Variants in ADGRL2 observed in about 807,000 individuals in gnomAD.
ADGRL2 encodes the protein calcium-independent alpha-latrotoxin receptor 2.
In ADGRL2, 44 loss-of-function variants were observed where a neutral mutation model predicts 157.4. The ratio of observed to expected loss-of-function variants is 0.28; its 90% confidence interval spans 0.22 to 0.36. ADGRL2 has a LOEUF of 0.36. Among genes scored for constraint, ADGRL2 ranks in the 10% least tolerant of loss-of-function variants. ADGRL2 has a pLI of 1.00. For synonymous variants in ADGRL2, 585 were observed against 624.7 expected (o/e 0.94, Z 0.95); for missense variants, 1,510 against 1,768.9 (o/e 0.85, Z 2.63).
At chr1:81,509,462 A>G (rs1287467330) in intron 2 of ADGRL2, among the ~76,000 whole-genome samples, 1 of 151,928 alleles carries the variant, frequency 6.6e-6, no homozygotes, top group African/African-American at 2.4e-5. Flanking sequence ...ATTCAAATCC[A>G]CATTTTGTAA....
At chr1:81,946,340 C>CTTTT (rs397861989) in intron 6 of ADGRL2, among the ~76,000 whole-genome samples, 3 of 128,612 alleles carry the variant, frequency 2.3e-5, no homozygotes, top group African/African-American at 8.6e-5. Flanking sequence ...GTGCCTTAAT[C>CTTTT]TTTTTTTTTT....
chr1:81,748,467 C>CA (rs973818702), intron 1 of ADGRL2, among the ~76,000 whole-genome samples: 6,329 of 41,546 alleles, frequency 0.15, 544 homozygotes, highest in Non-Finnish European at 0.18. Flanking sequence ...GATTCCGTCT[C>CA]AAAAAAAAAA....
At chr1:81,457,541 T>A (rs146967638) in intron 2 of ADGRL2, among the ~76,000 whole-genome samples, 25 of 152,294 alleles carry the variant, frequency 1.6e-4, no homozygotes, top group African/African-American at 5.8e-4. Context: ...AGTATTTGAT[T>A]ATTGACTAAT....
intron 11 of ADGRL2, among the ~76,000 whole-genome samples, chr1:81,960,514 G>T (rs1332411728): frequency 2.0e-5 from 3 of 147,488 alleles, no homozygotes; most frequent in Non-Finnish European, 3.0e-5. Context: ...TTCCTCTGTT[G>T]CCCAGGCTGG....
At chr1:81,685,365 A>G (rs2083207536) in intron 3 of ADGRL2, among the ~76,000 whole-genome samples, 1 of 150,066 alleles carries the variant, frequency 6.7e-6, no homozygotes, top group South Asian at 2.1e-4. Flanking sequence ...TTTGTTAGGT[A>G]TATTGCTAAG....
chr1:81,585,974 A>G (rs963448759), intron 3 of ADGRL2: 1 of 152,118 alleles, frequency 6.6e-6, no homozygotes, highest in Non-Finnish European at 1.5e-5. Flanking sequence ...CATTCATAAT[A>G]TAAAGTGGTA....
chr1:81,810,184 T>C (rs532687977), intron 1 of ADGRL2, among the ~76,000 whole-genome samples: 2 of 151,976 alleles, frequency 1.3e-5, no homozygotes, highest in East Asian at 3.9e-4. Context: ...TCATTTATTC[T>C]TAACATTGTA....
intron 3 of ADGRL2, among the ~76,000 whole-genome samples, chr1:81,679,843 G>C (rs2083072361): frequency 6.6e-6 from 1 of 152,122 alleles, no homozygotes; most frequent in Non-Finnish European, 1.5e-5. Context: ...ATTTGTTTTA[G>C]CAGTCACTAA....
chr1:81,940,301 C>G (rs1647404926), intron 4 of ADGRL2, among the ~76,000 whole-genome samples: 1 of 151,556 alleles, frequency 6.6e-6, no homozygotes, highest in Non-Finnish European at 1.5e-5. Flanking sequence ...AGTCACAACG[C>G]TAATGATTTC....
chr1:81,732,891 C>T (rs192680905), intron 1 of ADGRL2, among the ~76,000 whole-genome samples: 90 of 152,136 alleles, frequency 5.9e-4, no homozygotes, highest in Middle Eastern at 3.4e-3. Context: ...AAAAGAAAGA[C>T]CATAACAAAA....
At chr1:81,344,806 G>T (rs904522623) in intron 1 of ADGRL2, among the ~76,000 whole-genome samples, 12 of 151,802 alleles carry the variant, frequency 7.9e-5, no homozygotes, top group Admixed American at 3.3e-4. Flanking sequence ...TGGCAAAGAA[G>T]CAGCTCATGC....
At chr1:81,833,751 C>CT in intron 1 of ADGRL2, among the ~76,000 whole-genome samples, 1 of 152,258 alleles carries the variant, frequency 6.6e-6, no homozygotes, top group East Asian at 1.9e-4. Flanking sequence ...TGAAAGACTG[C>CT]AGCTGACTGT....
In ADGRL2 at chr1:81,848,808, A is replaced by C. The variant is rs192567514; in HGVS notation, c.73+11751A>C. Among the ~76,000 whole-genome samples the C allele has an allele frequency of 5.9e-5, 9 of 152,064 alleles. No individual in the cohort carries two copies. In the East Asian group the frequency reaches 1.7e-3, roughly 29 times the overall value. ...TTACCAGCTATTGCTGAGAACCATT[A>C]ACTGTCAGAACACCGAAAACCTGTA... On this transcript the variant is annotated intron_variant, in intron 2 of 23. Transcript: ENST00000686636.
Position 81,594,517 on chromosome 1 carries a change from A to C in ADGRL2, c.-143+13537A>C, listed in dbSNP as rs540021569. ...TATTATAAGGAAAAGTTAAGTTAGT[A>C]TATTTATTTTAGATTATATTACAGA... On this transcript the variant is annotated intron_variant, in intron 3 of 24. Transcript: ENST00000370721. Among the ~76,000 whole-genome samples, 5 of 152,334 alleles carry C rather than the reference A, an allele frequency of 3.3e-5. No homozygotes were observed. The East Asian group carries it at 9.6e-4, about 29-fold the overall frequency.
intron 2 of ADGRL2, among the ~76,000 whole-genome samples, chr1:81,863,552 A>C (rs2093449537): frequency 6.6e-6 from 1 of 152,080 alleles, no homozygotes; most frequent in African/African-American, 2.4e-5. Context: ...GATTATTCTT[A>C]AGTTGCTGAG....
intron 1 of ADGRL2, among the ~76,000 whole-genome samples, chr1:81,331,825 C>G (rs1380991389): frequency 6.6e-6 from 1 of 152,032 alleles, no homozygotes; most frequent in African/African-American, 2.4e-5. Flanking sequence ...ATATCACACC[C>G]TTGAAGATTA....
chr1:81,910,806 A>C (rs1277793742), intron 3 of ADGRL2, among the ~76,000 whole-genome samples: 1 of 151,928 alleles, frequency 6.6e-6, no homozygotes, highest in Non-Finnish European at 1.5e-5. Context: ...TTCTCAAAAA[A>C]TGTGATATTC....
rs570348877 is a variant in ADGRL2 at position 81,725,816 on chromosome 1, C to T, written c.-143+26008C>T. On this transcript the variant is annotated intron_variant, in intron 1 of 20. Transcript: ENST00000359929. Reference sequence around the variant, plus strand: ...GTAAAATACATTCTTAATTTTCAACCCCCTCCAAAAAACACAAAAATTAGC... The same window carrying T: ...GTAAAATACATTCTTAATTTTCAACTCCCTCCAAAAAACACAAAAATTAGC... Among the ~76,000 whole-genome samples, 78 of 151,996 alleles carry T rather than the reference C, an allele frequency of 5.1e-4. No individual in the cohort carries two copies. The South Asian group carries it at 7.9e-3, about 15-fold the overall frequency.
intron 2 of ADGRL2, among the ~76,000 whole-genome samples, chr1:81,574,687 G>A (rs1404934200): frequency 1.3e-5 from 2 of 152,130 alleles, no homozygotes; most frequent in Non-Finnish European, 1.5e-5. Flanking sequence ...GCTGCGTGGT[G>A]GAGATGCAAC....
Sources: gnomAD v4.1 joint callset for allele counts (sites outside exome capture counted in the v4.1 genomes callset) on GRCh38, gnomAD v4.1.1 for gene constraint, MANE v1.5 for transcripts, NCBI Gene and HGNC (gene_info 2026-07-23, HGNC 2026-07-21) for gene names.